The following ATP8B4 variants were observed in gnomAD, a reference collection of about 807,000 sequenced individuals.
The protein encoded by ATP8B4 is ATPase phospholipid transporting 8B4 (putative).
In ATP8B4, 133 loss-of-function variants were observed where a neutral mutation model predicts 145.6. That is an observed-to-expected ratio of 0.91 (90% CI 0.79 to 1.05). The LOEUF (loss-of-function observed/expected upper bound fraction) is 1.05. Among genes scored for constraint, ATP8B4 ranks in the 50% least tolerant of loss-of-function variants. The pLI is 0.00. For synonymous variants in ATP8B4, 507 were observed against 492.9 expected (o/e 1.03, Z -0.38); for missense variants, 1,458 against 1,425.2 (o/e 1.02, Z -0.37).
chr15:49,972,637 G>C lies in ATP8B4; in HGVS notation c.1188C>G (p.Thr396=). ...IEYIFSDKTG[T]LTQNIMTFKR... is the part of the protein sequence containing the mutation. ...TAAAGGTCATGATGTTTTGAGTGAG[G>C]GTACCCGTTTTGTCGGAGAAAATGT... The change falls in exon 13 of 28, where the codon ACC becomes ACG. Residue 396 remains threonine (T), a synonymous_variant. Transcript: ENST00000284509. 6.2e-7 allele frequency: 1 copy of C among 1,613,810 alleles called. No homozygotes were observed. Among genetic ancestry groups the C allele is most frequent in the Non-Finnish European group, 8.5e-7 (1 of 1,179,946 alleles).
chr15:49,994,726 T>C (rs891442311), intron 9 of ATP8B4, among the ~76,000 whole-genome samples: 7 of 151,902 alleles, frequency 4.6e-5, no homozygotes, highest in Non-Finnish European at 1.0e-4. Flanking sequence ...ATGTAAGAAA[T>C]CCACCTAATC....
intron 23 of ATP8B4, among the ~76,000 whole-genome samples, chr15:49,881,485 C>T (rs1313132245): frequency 6.6e-6 from 1 of 152,106 alleles, no homozygotes; most frequent in Admixed American, 6.5e-5. Flanking sequence ...TCCAAGATAC[C>T]ACAGCCTAGG....
intron 1 of ATP8B4, among the ~76,000 whole-genome samples, chr15:50,116,032 G>A (rs896389160): frequency 7.2e-5 from 11 of 152,162 alleles, no homozygotes; most frequent in Non-Finnish European, 1.3e-4. Context: ...TCACAGTTTG[G>A]GCTGGCACAA....
intron 9 of ATP8B4, among the ~76,000 whole-genome samples, chr15:49,992,626 G>A (rs1010696840): frequency 6.6e-6 from 1 of 152,174 alleles, no homozygotes. Context: ...GGGGATAGGA[G>A]TGGGAAATTC....
At chr15:50,142,499 C>T (rs2044225613) in intron 1 of ATP8B4, among the ~76,000 whole-genome samples, 1 of 152,112 alleles carries the variant, frequency 6.6e-6, no homozygotes, top group African/African-American at 2.4e-5. Context: ...AGATTTAACC[C>T]TACGGATCTG....
At chr15:49,915,086 A>G (rs1327860130) in intron 20 of ATP8B4, among the ~76,000 whole-genome samples, 1 of 152,162 alleles carries the variant, frequency 6.6e-6, no homozygotes, top group Non-Finnish European at 1.5e-5. Context: ...TGAATCAATA[A>G]AGAAAATGTG....
At chr15:50,163,114 C>G (rs1027063794) in intron 1 of ATP8B4, among the ~76,000 whole-genome samples, 2 of 152,190 alleles carry the variant, frequency 1.3e-5, no homozygotes, top group Non-Finnish European at 2.9e-5. Flanking sequence ...TCTCCAGGGT[C>G]GGTCACTAGT....
chr15:49,948,421 C>A (rs558263449), intron 14 of ATP8B4, among the ~76,000 whole-genome samples: 6 of 152,208 alleles, frequency 3.9e-5, no homozygotes, highest in African/African-American at 1.2e-4. Context: ...TGCACTCCAG[C>A]CTGGGTGACA....
chr15:50,076,246 C>T (rs1055370076), intron 2 of ATP8B4, among the ~76,000 whole-genome samples: 4 of 152,272 alleles, frequency 2.6e-5, no homozygotes, highest in African/African-American at 9.6e-5. Flanking sequence ...GTAATCCCAG[C>T]ACTTTGGGAG....
chr15:50,023,790 A>G (rs1405670834), intron 6 of ATP8B4, among the ~76,000 whole-genome samples: 5 of 145,508 alleles, frequency 3.4e-5, no homozygotes, highest in Non-Finnish European at 7.5e-5. Flanking sequence ...AAAAAAAAAA[A>G]AAAAAAGAAA....
At chr15:49,917,184 C>A in intron 19 of ATP8B4, 145 bp from the exon 20 acceptor site, 1 of 689,636 alleles carries the variant, frequency 1.5e-6, no homozygotes, top group Non-Finnish European at 2.4e-6. Flanking sequence ...TGATAAAATA[C>A]AAGCAGTGCA....
At chr15:50,111,528 C>T (rs1377668760) in intron 1 of ATP8B4, among the ~76,000 whole-genome samples, 1 of 152,158 alleles carries the variant, frequency 6.6e-6, no homozygotes, top group Non-Finnish European at 1.5e-5. Context: ...CCACTCTGGC[C>T]ATAGTAAACT....
chr15:50,125,610 C>T (rs1168090694), intron 1 of ATP8B4, among the ~76,000 whole-genome samples: 1 of 152,028 alleles, frequency 6.6e-6, no homozygotes, highest in African/African-American at 2.4e-5. Flanking sequence ...ACGGGAGGTT[C>T]GAAAAATTTA....
Position 50,085,947 on chromosome 15 carries a change from T to TATATCAA in ATP8B4, c.29-11763_29-11762insTTGATAT, listed in dbSNP as rs1555484428. Among the ~76,000 whole-genome samples the TATATCAA allele has an allele frequency of 6.0e-5, 5 of 83,400 alleles. 1 individual carries two copies. The highest frequency in any genetic ancestry group is 1.5e-4 in the African/African-American group (3 of 19,874). 54.7% of individuals were successfully genotyped at this position (83,400 alleles called of 152,430 possible). A position where few individuals can be genotyped will look rare whatever the true frequency, so the allele number is the denominator to read the frequency against. On this transcript the variant is annotated intron_variant, in intron 2 of 27. Transcript: ENST00000284509. Reference sequence around the variant, plus strand: ...ATATATCATATATATTTATATATGATATATATCATATATATTTATATATGA... The same window carrying TATATCAA: ...ATATATCATATATATTTATATATGATATATCAAATATATCATATATATTTATATATGA...
At chr15:49,888,598 T>C (rs1411451212) in intron 23 of ATP8B4, among the ~76,000 whole-genome samples, 1 of 152,178 alleles carries the variant, frequency 6.6e-6, no homozygotes, top group Non-Finnish European at 1.5e-5. Flanking sequence ...TAGGGGACAG[T>C]TCCTCTTTAC....
intron 14 of ATP8B4, among the ~76,000 whole-genome samples, chr15:49,957,736 T>TCAATGTAACCAATG (rs1289007170): frequency 1.3e-5 from 2 of 152,022 alleles, no homozygotes; most frequent in Non-Finnish European, 2.9e-5. Context: ...AGTTAAACCA[T>TCAATGTAACCAATG]TATGACCATC....
intron 13 of ATP8B4, among the ~76,000 whole-genome samples, chr15:49,968,718 G>A (rs2044793316): frequency 6.6e-6 from 1 of 152,114 alleles, no homozygotes; most frequent in Non-Finnish European, 1.5e-5. Context: ...AGATCAACGA[G>A]ACAGAAAATT....
intron 23 of ATP8B4, among the ~76,000 whole-genome samples, chr15:49,891,108 C>G (rs930603773): frequency 6.6e-6 from 1 of 152,016 alleles, no homozygotes; most frequent in African/African-American, 2.4e-5. Context: ...CCTTTTACTC[C>G]AAAGTCTCAT....
At chr15:50,141,808 T>C (rs1039753055) in intron 1 of ATP8B4, among the ~76,000 whole-genome samples, 12 of 152,282 alleles carry the variant, frequency 7.9e-5, no homozygotes, top group African/African-American at 2.6e-4. Flanking sequence ...AAGAATTCCT[T>C]TCCTCAACCA....
Sources: allele counts gnomAD v4.1 joint callset (sites outside exome capture counted in the v4.1 genomes callset), GRCh38; gene constraint gnomAD v4.1.1; transcripts MANE v1.5; gene names NCBI Gene and HGNC (gene_info 2026-07-23, HGNC 2026-07-21).